PI15: variants seen among roughly 807,000 people sequenced by gnomAD.
PI15 encodes the protein peptidase inhibitor 15.
A neutral mutation model predicts 31.0 loss-of-function variants in PI15; 18 were observed. The ratio of observed to expected loss-of-function variants is 0.58; its 90% CI spans 0.40 to 0.86. The LOEUF (loss-of-function observed/expected upper bound fraction) is 0.86. PI15 is among the 40% of genes least tolerant of loss of function. The pLI is 0.00. For missense variants in PI15, 282 were observed against 328.1 expected (o/e 0.86, Z 1.09); for synonymous variants, 118 against 119.1 (o/e 0.99, Z 0.06).
At chr8:74,848,049 C>T (rs1811049786) in intron 5 of PI15, among the ~76,000 whole-genome samples, 1 of 152,108 alleles carries the variant, frequency 6.6e-6, no homozygotes, top group Non-Finnish European at 1.5e-5. Context: ...AACAGTATGG[C>T]ATCATGGCAG....
At chr8:74,844,153 A>T in intron 3 of PI15, 54 bp downstream of exon 3, 1 of 821,210 alleles carries the variant, frequency 1.2e-6, no homozygotes, top group Non-Finnish European at 2.2e-6. Context: ...TTAATTATGG[A>T]CTCTAGGAGG....
At chr8:74,836,753 A>G (rs1810878133) in intron 2 of PI15, among the ~76,000 whole-genome samples, 1 of 152,156 alleles carries the variant, frequency 6.6e-6, no homozygotes, top group African/African-American at 2.4e-5. Flanking sequence ...AGCTGCTGAT[A>G]GACCAAGGAA....
chr8:74,830,121 A>C (rs2128763668), intron 2 of PI15, among the ~76,000 whole-genome samples: 1 of 152,188 alleles, frequency 6.6e-6, no homozygotes, highest in African/African-American at 2.4e-5. Flanking sequence ...CTTCAGGCAA[A>C]GATAAGGAAG....
chr8:74,846,871 T>C (rs1023317123), intron 5 of PI15, among the ~76,000 whole-genome samples: 72 of 151,948 alleles, frequency 4.7e-4, no homozygotes, highest in Middle Eastern at 3.4e-3. Flanking sequence ...GAGAAATAAT[T>C]TAGTTAGAAT....
chr8:74,854,579 A>G lies in PI15; in HGVS notation c.*5326A>G, dbSNP rs1811154108. 6.6e-6 allele frequency: 1 copy of G among 151,964 alleles called. No homozygotes were observed. The highest frequency in any genetic ancestry group is 2.4e-5 in the African/African-American group (1 of 41,434). The allele number at this position is 151,964 out of a possible 1,614,324, so 9.4% of individuals were successfully genotyped here. Reference sequence around the variant, plus strand: ...TAAATTATTTCAATGGTTGTTTGAAATATTCAGTTCAGTTTGTACCTGTTA... The same window carrying G: ...TAAATTATTTCAATGGTTGTTTGAAGTATTCAGTTCAGTTTGTACCTGTTA... On this transcript the variant is annotated 3_prime_UTR_variant, in exon 6 of 6. Transcript: ENST00000260113.
intron 2 of PI15, among the ~76,000 whole-genome samples, chr8:74,829,129 T>C (rs1810742282): frequency 6.6e-6 from 1 of 152,154 alleles, no homozygotes; most frequent in African/African-American, 2.4e-5. Context: ...GTATAGAAAG[T>C]GATCAACCAT....
intron 2 of PI15, among the ~76,000 whole-genome samples, chr8:74,827,089 A>C (rs1810710888): frequency 6.6e-6 from 1 of 152,108 alleles, no homozygotes; most frequent in Admixed American, 6.6e-5. Flanking sequence ...ATGAGTTTAG[A>C]GAATTTGTAG....
chr8:74,845,616 C>T, intron 5 of PI15, 119 bp downstream of exon 5: 1 of 639,420 alleles, frequency 1.6e-6, no homozygotes, highest in African/African-American at 1.8e-5. Context: ...CTCTAATCCT[C>T]AAATCCACCA....
chr8:74,828,996 T>C (rs16938971), intron 2 of PI15, among the ~76,000 whole-genome samples: 9,809 of 152,150 alleles, frequency 0.064, 444 homozygotes, highest in African/African-American at 0.13. Context: ...TTATCATGTC[T>C]TGCTCTCATG....
chr8:74,845,305 T>C (rs1160733906), intron 4 of PI15, 45 bp downstream of exon 4: 1 of 1,595,278 alleles, frequency 6.3e-7, no homozygotes, highest in Non-Finnish European at 8.6e-7. Flanking sequence ...ACTTTTAAAA[T>C]ATGCTAATAC....
At chr8:74,835,028 C>T (rs1810842304) in intron 2 of PI15, among the ~76,000 whole-genome samples, 1 of 151,996 alleles carries the variant, frequency 6.6e-6, no homozygotes, top group South Asian at 2.1e-4. Flanking sequence ...GTAAACTCAT[C>T]CAGTCTTATG....
chr8:74,841,409 T>C (rs1459404049), intron 2 of PI15, among the ~76,000 whole-genome samples: 1 of 152,168 alleles, frequency 6.6e-6, no homozygotes, highest in Non-Finnish European at 1.5e-5. Context: ...ACAGATGAGT[T>C]AACTGGGAGA....
intron 2 of PI15, among the ~76,000 whole-genome samples, chr8:74,842,705 T>A (rs1810962361): frequency 6.6e-6 from 1 of 152,144 alleles, no homozygotes; most frequent in Non-Finnish European, 1.5e-5. Context: ...AGTATGTCAA[T>A]CCATATGCTA....
rs539381881 is a variant in PI15 at position 74,853,802 on chromosome 8, A to G, written c.*4549A>G. The stretch of plus-strand genomic sequence containing the variant: ...ACCCACTTTCCTAGTAATGTTTTCC[A>G]TGATTTTCCAGTTCTGAGGCACTTA... On this transcript the variant is annotated 3_prime_UTR_variant, in exon 6 of 6. Coordinates refer to ENST00000260113, the MANE Select transcript of PI15 (RefSeq NM_015886.5). 813 of 152,140 alleles carry G rather than the reference A, an allele frequency of 5.3e-3. 2 individuals are homozygous for G. The highest frequency in any genetic ancestry group is 8.0e-3 in the Non-Finnish European group (540 of 67,904). 9.4% of individuals were successfully genotyped at this position (152,140 alleles called of 1,614,324 possible).
intron 5 of PI15, 31 bp from the exon 6 acceptor site, chr8:74,849,087 C>T (rs1297170761): frequency 1.2e-6 from 2 of 1,601,148 alleles, no homozygotes; most frequent in Admixed American, 3.4e-5. Flanking sequence ...GTGGGTTGCA[C>T]TAATGCTATC....
chr8:74,833,479 GC>G (rs1341400713), intron 2 of PI15, among the ~76,000 whole-genome samples: 5 of 151,836 alleles, frequency 3.3e-5, no homozygotes, highest in African/African-American at 1.2e-4. Flanking sequence ...TTACCTGATT[GC>G]CTGGTTAGTT....
intron 2 of PI15, among the ~76,000 whole-genome samples, chr8:74,827,072 C>T (rs1314288301): frequency 6.6e-6 from 1 of 152,004 alleles, no homozygotes; most frequent in Non-Finnish European, 1.5e-5. Context: ...GGCATAATAT[C>T]CCAACTATGA....
intron 2 of PI15, among the ~76,000 whole-genome samples, chr8:74,835,305 G>C (rs140289748): frequency 6.6e-6 from 1 of 152,150 alleles, no homozygotes; most frequent in East Asian, 1.9e-4. Flanking sequence ...CGTGAACATA[G>C]AACCACTTTG....
chr8:74,845,531 C>G, intron 5 of PI15, 34 bp downstream of exon 5: 1 of 1,337,314 alleles, frequency 7.5e-7, no homozygotes, highest in East Asian at 2.3e-5. Flanking sequence ...TTCCTGGATC[C>G]TTTAAAGACG....
Sources: allele counts gnomAD v4.1 joint callset (sites outside exome capture counted in the v4.1 genomes callset), GRCh38; gene constraint gnomAD v4.1.1; transcripts MANE v1.5; gene names NCBI Gene and HGNC (gene_info 2026-07-23, HGNC 2026-07-21).